Variants in POGLUT2 observed in about 807,000 individuals in gnomAD.
POGLUT2 encodes ER protein 58.
In POGLUT2, 47 loss-of-function variants were observed where a neutral mutation model predicts 57.6. The observed-to-expected ratio is 0.82, with a 90% CI of 0.65 to 1.04. POGLUT2 has a LOEUF of 1.04. Ranked by LOEUF, POGLUT2 falls within the 50% of genes least tolerant of loss-of-function variation. The probability of loss-of-function intolerance (pLI) is 0.00; values close to 1 mark genes in which losing one functional copy is unlikely to be tolerated. For synonymous variants in POGLUT2, 200 were observed against 218.8 expected (o/e 0.91, Z 0.76); for missense variants, 565 against 614.8 (o/e 0.92, Z 0.86).
At chr13:102,789,593 C>T (rs760362744) in intron 6 of POGLUT2, among the ~76,000 whole-genome samples, 1 of 152,038 alleles carries the variant, frequency 6.6e-6, no homozygotes. Context: ...CCATGTTAAC[C>T]GTATTATTTA....
rs1224695607 is a variant in POGLUT2, at chr13:102,798,432, G to C, written c.182+57C>G. On this transcript the variant is annotated intron_variant, in intron 1 of 9. Transcript: ENST00000376004. ...AGTTCTTGGAAAGAAAAATCTTAAAGGGAGAAACAGATTTAACCGCCATCC... is the reference window on the plus strand; with the variant it reads ...AGTTCTTGGAAAGAAAAATCTTAAACGGAGAAACAGATTTAACCGCCATCC... 6.9e-6 allele frequency: 10 copies of C among 1,459,082 alleles called. No individual in the cohort carries two copies. In the East Asian group the frequency reaches 2.4e-4, roughly 34 times the overall value. 90.4% of individuals were successfully genotyped at this position (1,459,082 alleles called of 1,614,324 possible).
At chr13:102,792,939 C>T (rs1878236555) in intron 4 of POGLUT2, among the ~76,000 whole-genome samples, 1 of 152,098 alleles carries the variant, frequency 6.6e-6, no homozygotes, top group African/African-American at 2.4e-5. Context: ...CTACTACAGG[C>T]TAATTTTTGT....
chr13:102,789,571 G>A (rs1480120669), intron 6 of POGLUT2, among the ~76,000 whole-genome samples: 3 of 152,084 alleles, frequency 2.0e-5, no homozygotes, highest in Non-Finnish European at 4.4e-5. Flanking sequence ...CCTAATGATG[G>A]CATATTCTGA....
In POGLUT2 at chr13:102,796,683, TAAAAA is replaced by T. The variant is rs199885678; in HGVS notation, c.388+116_388+120del. ...AAAGCCTTTATTTTTCTTCTTTCAG[TAAAAA>T]AAAAAAAAAAAATATATATATATAT... is the stretch of plus-strand genomic sequence containing the variant. On this transcript the variant is annotated intron_variant, in intron 2 of 9. Transcript: ENST00000376004. 4.0e-3 allele frequency: 698 copies of T among 175,664 alleles called. 1 individual carries two copies. Among genetic ancestry groups the T allele is most frequent in the East Asian group, 6.2e-3 (42 of 6,788 alleles). 10.9% of individuals were successfully genotyped at this position (175,664 alleles called of 1,614,324 possible). A position where few individuals can be genotyped will look rare whatever the true frequency, so the allele number is the denominator to read the frequency against.
At chr13:102,792,652 C>T (rs571638675) in intron 4 of POGLUT2, among the ~76,000 whole-genome samples, 6 of 152,038 alleles carry the variant, frequency 3.9e-5, no homozygotes, top group Non-Finnish European at 7.3e-5. Context: ...GAGAAGCCCA[C>T]GTGATGACAG....
intron 7 of POGLUT2, among the ~76,000 whole-genome samples, 165 bp downstream of exon 7, chr13:102,788,847 A>G (rs1369615666): frequency 6.6e-6 from 1 of 152,174 alleles, no homozygotes; most frequent in Non-Finnish European, 1.5e-5. Context: ...CGCTGTGTTC[A>G]GCCTAGGGGA....
Position 102,798,567 on chromosome 13 carries a change from C to G in POGLUT2, c.104G>C (p.Trp35Ser), listed in dbSNP as rs2139113181. The G allele has an allele frequency of 2.5e-6, 4 of 1,613,516 alleles. No homozygotes were observed. The South Asian group carries it at 3.3e-5, about 13-fold the overall frequency. ...GACGTCTGCTTTTAGCCCGGGTCCC[C>G]ATATTTCGCTCTTCTCCGGGCTCAG... is the stretch of plus-strand genomic sequence containing the variant. ...RQLSPEKSEIWGPGLKADVVL... is the reference protein window; with the variant it reads ...RQLSPEKSEISGPGLKADVVL... The change falls in exon 1 of 10, where the codon TGG becomes TCG. Residue 35 changes from tryptophan (W) to serine (S), a missense_variant. Trp to Ser is a radical substitution (Grantham distance 177). Transcript: ENST00000376004.
chr13:102,790,961 T>C lies in POGLUT2; in HGVS notation c.1023A>G (p.Lys341=), dbSNP rs747322157. 45 of 1,613,974 alleles carry C rather than the reference T, an allele frequency of 2.8e-5. No homozygotes were observed. Among genetic ancestry groups the C allele is most frequent in the Non-Finnish European group, 3.6e-5 (43 of 1,179,950 alleles). The change falls in exon 6 of 10, where the codon AAA becomes AAG. Residue 341 remains lysine (K), a synonymous_variant. Coordinates refer to ENST00000376004, the MANE Select transcript of POGLUT2 (RefSeq NM_024089.3). The part of the protein sequence containing the change: ...DAAFTNFFFF[K]HDENLYGPIV... ...TGGGACCATACAGGTTTTCATCGTG[T>C]TTAAAGAAGAAAAAGTTGGTGAAAG...
rs2139106143 is a variant in POGLUT2 at position 102,797,027 on chromosome 13, T to C, written c.183-18A>G. On this transcript the variant is annotated intron_variant, in intron 1 of 9. Coordinates refer to ENST00000376004, the MANE Select transcript of POGLUT2 (RefSeq NM_024089.3). ...ATGTGAATCTGTGATGAAAAGGCAA[T>C]GGGGGAGATAAACAGATTTTAACGA... 1 of 1,577,676 alleles carries C rather than the reference T, an allele frequency of 6.3e-7. No individual in the cohort carries two copies. The highest frequency in any genetic ancestry group is 8.7e-7 in the Non-Finnish European group (1 of 1,149,136).
At chr13:102,791,758 A>G (rs1878189612) in intron 4 of POGLUT2, among the ~76,000 whole-genome samples, 1 of 152,212 alleles carries the variant, frequency 6.6e-6, no homozygotes, top group South Asian at 2.1e-4. Context: ...GTTTCCTGCT[A>G]GTGAGCCAGA....
At chr13:102,791,659 T>C (rs1373288446) in intron 4 of POGLUT2, among the ~76,000 whole-genome samples, 3 of 152,216 alleles carry the variant, frequency 2.0e-5, no homozygotes, top group Admixed American at 2.0e-4. Context: ...ATCTCTGTTC[T>C]AATACTGCGA....
chr13:102,791,069 G>T lies in POGLUT2; in HGVS notation c.915C>A (p.Ala305=). 2 of 1,614,128 alleles carry T rather than the reference G, an allele frequency of 1.2e-6. No homozygotes were observed. The highest frequency in any genetic ancestry group is 1.7e-6 in the Non-Finnish European group (2 of 1,180,020). Residue 305 remains alanine (A), a synonymous_variant, in exon 6 of 10, where the codon GCC becomes GCA. Coordinates refer to ENST00000376004, the MANE Select transcript of POGLUT2 (RefSeq NM_024089.3). ...GPPWESKNST[A]VWRGRDSRKE... is the part of the protein sequence containing the mutation. ...TGCGGCTGTCTCGCCCTCTCCAGAC[G>T]GCAGTGGAATTTTTGCTTTCCCAGG...
At chr13:102,788,790 T>A (rs539886763) in intron 7 of POGLUT2, among the ~76,000 whole-genome samples, 2 of 152,338 alleles carry the variant, frequency 1.3e-5, no homozygotes, top group African/African-American at 4.8e-5. Flanking sequence ...CCAGCCTAGC[T>A]TTTTGTTTCA....
chr13:102,796,701 T>A (rs10572434), intron 2 of POGLUT2, 103 bp downstream of exon 2: 157 of 121,162 alleles, frequency 1.3e-3, no homozygotes, highest in East Asian at 8.3e-3. Context: ...AAAAAAAAAA[T>A]ATATATATAT....
chr13:102,787,868 T>C lies in POGLUT2; in HGVS notation c.1349A>G (p.Asp450Gly), dbSNP rs757359037. The change falls in exon 8 of 10, where the codon GAT becomes GGT. Residue 450 changes from aspartate to glycine, a missense_variant. Coordinates refer to ENST00000376004, the MANE Select transcript of POGLUT2 (RefSeq NM_024089.3). ...TTTGAAATAATAACAGAATATGTCA[T>C]CGCCCATGAGATTATTTCTTGCAAA... ...QEFARNNLMG[D>G]DIFCYYFKLF... 2 of 1,595,634 alleles carry C rather than the reference T, an allele frequency of 1.3e-6. No homozygotes were observed. Among genetic ancestry groups the C allele is most frequent in the South Asian group, 2.3e-5 (2 of 88,786 alleles).
At chr13:102,792,804 G>T (rs878913352) in intron 4 of POGLUT2, among the ~76,000 whole-genome samples, 8 of 151,424 alleles carry the variant, frequency 5.3e-5, no homozygotes, top group Non-Finnish European at 7.4e-5. Context: ...ATTTTTTTTG[G>T]GGGGGGACAG....
At chr13:102,796,715 T>C (rs1390118660) in intron 2 of POGLUT2, 89 bp downstream of exon 2, 3 of 404,404 alleles carry the variant, frequency 7.4e-6, no homozygotes, top group African/African-American at 2.1e-5. Flanking sequence ...TATATATATA[T>C]ATATATCATG....
At chr13:102,790,296 C>T (rs1878117087) in intron 6 of POGLUT2, among the ~76,000 whole-genome samples, 1 of 152,186 alleles carries the variant, frequency 6.6e-6, no homozygotes, top group African/African-American at 2.4e-5. Context: ...CAGATGATGA[C>T]CTTTTTCCCA....
rs1380194238 is a variant in POGLUT2 at position 102,791,352 on chromosome 13, G to A, written c.751C>T (p.His251Tyr). The A allele has an allele frequency of 6.2e-7, 1 of 1,612,936 alleles. No homozygotes were observed. Among genetic ancestry groups the A allele is most frequent in the Non-Finnish European group, 8.5e-7 (1 of 1,179,714 alleles). Residue 251 changes from histidine (H) to tyrosine (Y), a missense_variant, in exon 5 of 10, where the codon CAT becomes TAT. Transcript: ENST00000376004. ...LEKKKSNSNI[H>Y]PIFSWCGSTD... ...GAGCCACACCAGGAAAAGATCGGAT[G>A]GATGTTTGAATTGGATTTCTTTTTT... is the stretch of plus-strand genomic sequence containing the variant.
Sources: gnomAD v4.1 joint callset for allele counts (sites outside exome capture counted in the v4.1 genomes callset) on GRCh38, gnomAD v4.1.1 for gene constraint, MANE v1.5 for transcripts, NCBI Gene and HGNC (gene_info 2026-07-23, HGNC 2026-07-21) for gene names.